AVEN: variants seen among roughly 807,000 people sequenced by gnomAD.
AVEN encodes apoptosis and caspase activation inhibitor.
AVEN carries 41 observed loss-of-function variants against 38.1 expected under a neutral mutation model. The ratio of observed to expected loss-of-function variants is 1.08; its 90% confidence interval spans 0.84 to 1.40. AVEN has a LOEUF of 1.40. Among genes scored for constraint, AVEN ranks in the 40% most tolerant of loss-of-function variants. The pLI is 0.00. For synonymous variants in AVEN, 206 were observed against 171.8 expected (o/e 1.20, Z -1.56); for missense variants, 605 against 438.8 (o/e 1.38, Z -3.38).
intron 2 of AVEN, among the ~76,000 whole-genome samples, chr15:33,882,181 C>T (rs1010918935): frequency 6.6e-6 from 1 of 152,062 alleles, no homozygotes; most frequent in Admixed American, 6.6e-5. Context: ...TATTACATAG[C>T]CTGCTTAAAA....
chr15:34,058,341 G>A (rs1043183097), intron 5 of AVEN, among the ~76,000 whole-genome samples: 1 of 151,994 alleles, frequency 6.6e-6, no homozygotes, highest in Non-Finnish European at 1.5e-5. Context: ...AATTACAGGA[G>A]GTCATTGTTT....
chr15:33,865,122 T>C (rs561907018), downstream of AVEN: 3 of 1,606,446 alleles, frequency 1.9e-6, no homozygotes, highest in South Asian at 2.2e-5. Flanking sequence ...GTTGTTCATA[T>C]TATTTCAGGA....
intron 2 of AVEN, among the ~76,000 whole-genome samples, chr15:33,901,383 C>T (rs1307699653): frequency 1.3e-5 from 2 of 152,214 alleles, no homozygotes; most frequent in African/African-American, 2.4e-5. Context: ...TGCATACACA[C>T]GCACACACGT....
chr15:33,922,234 A>G (rs1273843402), intron 2 of AVEN, among the ~76,000 whole-genome samples: 1 of 152,176 alleles, frequency 6.6e-6, no homozygotes, highest in Non-Finnish European at 1.5e-5. Context: ...TAATGGAAAC[A>G]GCTTCCTAAC....
rs755369997 is a variant in AVEN, at chr15:34,063,371, GGAAACAGA to G, written n.1180_1187del. The G allele has an allele frequency of 6.2e-7, 1 of 1,614,042 alleles. No homozygotes were observed. Among genetic ancestry groups the G allele is most frequent in the Non-Finnish European group, 8.5e-7 (1 of 1,180,028 alleles). ...CCATCCTCTACTGTCGAATCTACCG[GGAAACAGA>G]GAAGCGAACCAAGGACCTGGCTGAC... On this transcript the variant is annotated non_coding_transcript_exon_variant, in exon 5 of 12. Transcript: ENST00000675287. The surrounding 1 kb of genome is among the most constrained non-coding windows in gnomAD (Gnocchi z 4.1).
At chr15:33,923,210 G>GA (rs1368662619) in intron 2 of AVEN, among the ~76,000 whole-genome samples, 1 of 152,060 alleles carries the variant, frequency 6.6e-6, no homozygotes, top group Non-Finnish European at 1.5e-5. Flanking sequence ...TTATTAGGTA[G>GA]AAAAAAGAAC....
At chr15:34,067,857 C>T (rs898988237) in intron 2 of AVEN, among the ~76,000 whole-genome samples, 13 of 152,188 alleles carry the variant, frequency 8.5e-5, no homozygotes, top group Non-Finnish European at 1.6e-4. Context: ...TAATTTCCAT[C>T]TTCCCCACAT....
intron 5 of AVEN, among the ~76,000 whole-genome samples, chr15:34,055,771 A>C (rs1900121947): frequency 1.3e-5 from 2 of 152,222 alleles, no homozygotes; most frequent in Admixed American, 1.3e-4. Flanking sequence ...ACTGCACTCC[A>C]GCCTGGGCGA....
At chr15:34,022,793 C>A (rs187296276) in intron 1 of AVEN, among the ~76,000 whole-genome samples, 37 of 152,348 alleles carry the variant, frequency 2.4e-4, no homozygotes, top group South Asian at 2.1e-4. Context: ...ATTTTCCTGA[C>A]CTTCTGGCTG....
At chr15:33,857,936 GGCC>G (rs2079869760), downstream of AVEN, 1 of 1,379,300 alleles carries the variant, frequency 7.3e-7, no homozygotes, top group African/African-American at 3.6e-5. Flanking sequence ...CCCACTGCGG[GGCC>G]AGCCCACCCA....
At chr15:33,876,742 CAT>C (rs1891247772) in intron 2 of AVEN, among the ~76,000 whole-genome samples, 1 of 152,122 alleles carries the variant, frequency 6.6e-6, no homozygotes, top group Non-Finnish European at 1.5e-5. Context: ...GAATGTCAAA[CAT>C]ATTTTGATAG....
chr15:33,952,316 A>C (rs1894782619), intron 2 of AVEN, among the ~76,000 whole-genome samples: 1 of 152,218 alleles, frequency 6.6e-6, no homozygotes, highest in Admixed American at 6.5e-5. Flanking sequence ...AAAGAGAGCA[A>C]TATACCTTGC....
At chr15:34,074,517 T>A (rs1900694815) in exon 1 of AVEN, among the ~76,000 whole-genome samples, 1 of 152,092 alleles carries the variant, frequency 6.6e-6, no homozygotes, top group Admixed American at 6.5e-5. Context: ...TGAGAAAGGA[T>A]CTGTTTCAGG....
chr15:33,871,101 C>G (rs1890928966), intron 3 of AVEN, 71 bp from the exon 4 acceptor site: 4 of 1,016,274 alleles, frequency 3.9e-6, no homozygotes. Context: ...AAAGAAGAAA[C>G]TGTAAATAAT....
intron 1 of AVEN, among the ~76,000 whole-genome samples, chr15:34,005,329 T>A (rs1445301034): frequency 6.6e-6 from 1 of 152,234 alleles, no homozygotes; most frequent in Non-Finnish European, 1.5e-5. Context: ...AATTGTTTAT[T>A]CCTTAAGTCT....
chr15:33,892,243 C>T (rs1232323620), intron 2 of AVEN, among the ~76,000 whole-genome samples: 4 of 152,314 alleles, frequency 2.6e-5, no homozygotes, highest in African/African-American at 9.6e-5. Flanking sequence ...AGATCCCATT[C>T]ATCTATTTTG....
chr15:33,953,467 G>C (rs1328753830), intron 2 of AVEN, among the ~76,000 whole-genome samples: 1 of 151,928 alleles, frequency 6.6e-6, no homozygotes. Flanking sequence ...CAGAACAGAG[G>C]CCTCAGAAAT....
chr15:33,886,058 G>C (rs904294058), intron 2 of AVEN, among the ~76,000 whole-genome samples: 1 of 152,188 alleles, frequency 6.6e-6, no homozygotes, highest in Non-Finnish European at 1.5e-5. Flanking sequence ...CTGATCTGTA[G>C]TATAGTGTGT....
chr15:33,895,869 T>C (rs890796982), intron 2 of AVEN, among the ~76,000 whole-genome samples: 2 of 152,190 alleles, frequency 1.3e-5, no homozygotes, highest in African/African-American at 2.4e-5. Flanking sequence ...TATCCAGCCA[T>C]GATGGAGGCT....
Sources: gnomAD v4.1 joint callset for allele counts (sites outside exome capture counted in the v4.1 genomes callset) on GRCh38, gnomAD v4.1.1 for gene constraint, Gnocchi (gnomAD v3.1) non-coding constraint, MANE v1.5 for transcripts, NCBI Gene and HGNC (gene_info 2026-07-23, HGNC 2026-07-21) for gene names.